Variants in GCC2 observed in about 807,000 individuals in gnomAD.
GCC2 encodes the protein GRIP and coiled-coil domain-containing protein 2.
Under a neutral mutation model 210.6 loss-of-function variants are expected in GCC2, and 120 were observed. The observed-to-expected ratio is 0.57, with a 90% confidence interval of 0.49 to 0.66. The LOEUF (loss-of-function observed/expected upper bound fraction) is 0.66. Ranked by LOEUF, GCC2 falls within the 30% of genes least tolerant of loss-of-function variation. The pLI, the probability that GCC2 is intolerant of heterozygous loss-of-function variation, is 0.00. For missense variants in GCC2, 1,868 were observed against 1,871.9 expected (o/e 1.00, Z 0.04); for synonymous variants, 703 against 652.7 (o/e 1.08, Z -1.17).
In GCC2 at chr2:108,449,240, G is replaced by A; in HGVS notation, c.-35G>A. 6.5e-7 allele frequency: 1 copy of A among 1,546,860 alleles called. No homozygotes were observed. Among genetic ancestry groups the A allele is most frequent in the Non-Finnish European group, 8.7e-7 (1 of 1,143,348 alleles). On this transcript the variant is annotated 5_prime_UTR_variant, in exon 1 of 23. Transcript: ENST00000309863. The stretch of plus-strand genomic sequence containing the variant: ...CGCAAACAGAAGTGCAGCGGTGGCG[G>A]CGGCTGGTTGCGGGCCGGCGGCGGG...
chr2:108,452,495 G>C, intron 4 of GCC2, 29 bp downstream of exon 4: 1 of 1,315,088 alleles, frequency 7.6e-7, no homozygotes, highest in Non-Finnish European at 1.1e-6. Context: ...AATGTCTAAA[G>C]AGAAATAAAA....
chr2:108,476,148 C>T (rs569137530), intron 9 of GCC2, among the ~76,000 whole-genome samples: 4 of 150,540 alleles, frequency 2.7e-5, no homozygotes, highest in African/African-American at 9.8e-5. Flanking sequence ...GCACCCTCTG[C>T]CCCCAGGTTC....
At chr2:108,488,122 G>T (rs1210432462) in intron 17 of GCC2, among the ~76,000 whole-genome samples, 1 of 151,918 alleles carries the variant, frequency 6.6e-6, no homozygotes, top group Non-Finnish European at 1.5e-5. Flanking sequence ...GGCCAGGCTG[G>T]TCTCAAACTC....
intron 15 of GCC2, among the ~76,000 whole-genome samples, 166 bp downstream of exon 15, chr2:108,486,074 A>G (rs1242518411): frequency 6.6e-6 from 1 of 152,198 alleles, no homozygotes; most frequent in Non-Finnish European, 1.5e-5. Context: ...GGAGTATATT[A>G]TTTGGCTCAA....
intron 7 of GCC2, 79 bp downstream of exon 7, chr2:108,472,978 T>A: frequency 1.2e-6 from 1 of 805,672 alleles, no homozygotes; most frequent in Non-Finnish European, 2.0e-6. Flanking sequence ...GGAAATATAG[T>A]AGCCAAATAA....
intron 15 of GCC2, 131 bp downstream of exon 15, chr2:108,486,039 A>G: frequency 1.8e-6 from 1 of 568,040 alleles, no homozygotes; most frequent in South Asian, 2.6e-5. Flanking sequence ...AAGTTACAAC[A>G]ATAAATCAAG....
At chr2:108,492,451 A>G in intron 18 of GCC2, 122 bp from the exon 19 acceptor site, 1 of 671,092 alleles carries the variant, frequency 1.5e-6, no homozygotes, top group Non-Finnish European at 2.7e-6. Flanking sequence ...TGTAGGAGAG[A>G]AGTTGATTCA....
At chr2:108,506,008 C>A in intron 22 of GCC2, among the ~76,000 whole-genome samples, 1 of 152,038 alleles carries the variant, frequency 6.6e-6, no homozygotes, top group East Asian at 1.9e-4. Context: ...AAGGATAATA[C>A]CAAATTAAAT....
intron 4 of GCC2, among the ~76,000 whole-genome samples, chr2:108,454,048 T>C (rs1325195813): frequency 6.6e-6 from 1 of 152,184 alleles, no homozygotes; most frequent in Non-Finnish European, 1.5e-5. Context: ...TGGAGTGCAG[T>C]GGCACAATCT....
intron 8 of GCC2, 23 bp from the exon 9 acceptor site, chr2:108,475,729 A>G: frequency 6.5e-7 from 1 of 1,537,474 alleles, no homozygotes; most frequent in Non-Finnish European, 8.9e-7. Context: ...AAACCTCTTT[A>G]ATTTTACTTG....
chr2:108,462,263 C>T (rs1156283578), intron 4 of GCC2, among the ~76,000 whole-genome samples: 1 of 148,082 alleles, frequency 6.8e-6, no homozygotes, highest in East Asian at 2.2e-4. Flanking sequence ...GAGGCCGAGG[C>T]GGGCAGATCA....
intron 17 of GCC2, among the ~76,000 whole-genome samples, chr2:108,488,175 G>A (rs1682240633): frequency 6.6e-6 from 1 of 151,974 alleles, no homozygotes; most frequent in African/African-American, 2.4e-5. Context: ...TCAGAGTGCT[G>A]GGATTACAGA....
rs1456081578 is a variant in GCC2, at chr2:108,469,775, A to G, written c.446A>G (p.Lys149Arg). 6.2e-7 allele frequency: 1 copy of G among 1,613,934 alleles called. No individual in the cohort carries two copies. Among genetic ancestry groups the G allele is most frequent in the South Asian group, 1.1e-5 (1 of 91,064 alleles). Residue 149 changes from lysine (K) to arginine (R), a missense_variant, in exon 6 of 23, where the codon AAA becomes AGA. This residue lies in a region of GCC2 where 1,847 missense variants were observed against 1,765.2 expected (regional missense o/e 1.05). Transcript: ENST00000309863. ...MAVRSKYSED[K>R]ANLQKQLEEA... ...GTACGTTCCAAATACAGTGAAGACA[A>G]AGCTAACTTACAAAAGCAGCTGGAA...
At position 108,483,112 on chromosome 2, in the gene GCC2, A is replaced by G; in HGVS notation, c.3396A>G (p.Gln1132=). 6.3e-7 allele frequency: 1 copy of G among 1,596,328 alleles called. No individual in the cohort carries two copies. Among genetic ancestry groups the G allele is most frequent in the Non-Finnish European group, 8.6e-7 (1 of 1,164,086 alleles). The change falls in exon 12 of 23, where the codon CAA becomes CAG. Residue 1132 remains glutamine, a synonymous_variant. Coordinates refer to ENST00000309863, the MANE Select transcript of GCC2 (RefSeq NM_181453.4). ...NELEELQVQL[Q]KQKKQLQKTM... ...TTGAAGAACTTCAGGTACAACTTCA[A>G]AAGCAAAAGAAACAGCTTCAGAAAA...
chr2:108,460,032 G>A (rs1680482713), intron 4 of GCC2, among the ~76,000 whole-genome samples: 1 of 151,896 alleles, frequency 6.6e-6, no homozygotes. Flanking sequence ...TGCATTTTTG[G>A]TAGAGACAGG....
intron 17 of GCC2, among the ~76,000 whole-genome samples, chr2:108,488,202 C>T (rs1172476876): frequency 2.0e-5 from 3 of 151,946 alleles, no homozygotes; most frequent in African/African-American, 4.8e-5. Flanking sequence ...CCACAGCACC[C>T]GGCCTAAAAT....
At chr2:108,459,743 G>GTGTTTTTTTTTTTTTTTTTTTTTTTTTT (rs1314451766) in intron 4 of GCC2, among the ~76,000 whole-genome samples, 1 of 15,492 alleles carries the variant, frequency 6.5e-5, no homozygotes, top group Non-Finnish European at 1.3e-4. Context: ...GACCTTCTTT[G>GTGTTTTTTTTTTTTTTTTTTTTTTTTTT]TCTTTTTTTT....
chr2:108,492,572 G>C lies in GCC2; in HGVS notation c.4230-1G>C. 6.3e-7 allele frequency: 1 copy of C among 1,593,894 alleles called. No individual in the cohort carries two copies. On this transcript the variant is annotated splice_acceptor_variant, in intron 18 of 22. Coordinates refer to ENST00000309863, the MANE Select transcript of GCC2 (RefSeq NM_181453.4). LOFTEE classifies it high-confidence loss of function. ...CTGTAACTAAGTTTCTCATCTTTCAGATTGTGTTCAATACAGTCAGAGAAC... is the reference window on the plus strand; with the variant it reads ...CTGTAACTAAGTTTCTCATCTTTCACATTGTGTTCAATACAGTCAGAGAAC...
chr2:108,498,517 A>G (rs1347229618), intron 21 of GCC2, among the ~76,000 whole-genome samples: 1 of 152,042 alleles, frequency 6.6e-6, no homozygotes, highest in Non-Finnish European at 1.5e-5. Context: ...TCATAAATTT[A>G]TACTCTCTTC....
Sources: gnomAD v4.1 joint callset for allele counts (sites outside exome capture counted in the v4.1 genomes callset) on GRCh38, gnomAD v4.1.1 for gene constraint, gnomAD v4.1.1 regional missense constraint, MANE v1.5 for transcripts, NCBI Gene and HGNC (gene_info 2026-07-23, HGNC 2026-07-21) for gene names.